Variants in KCND2 observed in about 807,000 individuals in gnomAD.
The protein encoded by KCND2 is potassium voltage-gated channel subfamily D member 2, also known as A-type voltage-gated potassium channel KCND2.
In KCND2, 16 loss-of-function variants were observed where a neutral mutation model predicts 54.4. That is an observed-to-expected ratio of 0.29 (90% CI 0.20 to 0.45). KCND2 has a LOEUF of 0.45. Ranked by LOEUF, KCND2 falls within the 20% of genes least tolerant of loss-of-function variation. The probability of loss-of-function intolerance (pLI) is 1.00; values close to 1 mark genes in which losing one functional copy is unlikely to be tolerated. For missense variants in KCND2, 486 were observed against 824.2 expected (o/e 0.59, Z 5.02); for synonymous variants, 317 against 310.7 (o/e 1.02, Z -0.21).
intron 1 of KCND2, among the ~76,000 whole-genome samples, chr7:120,496,649 C>A (rs559985340): frequency 1.8e-4 from 27 of 152,142 alleles, no homozygotes; most frequent in Admixed American, 1.7e-3. Context: ...TGGTCTCTAT[C>A]TCCTGACCTC....
intron 1 of KCND2, among the ~76,000 whole-genome samples, chr7:120,563,919 A>G (rs555310021): frequency 5.3e-5 from 8 of 152,304 alleles, no homozygotes; most frequent in Admixed American, 2.6e-4. Context: ...TCCCATCAGA[A>G]AATTTATAAA....
chr7:120,356,584 C>A (rs75248431), intron 1 of KCND2, among the ~76,000 whole-genome samples: 1 of 151,986 alleles, frequency 6.6e-6, no homozygotes, highest in Non-Finnish European at 1.5e-5. Flanking sequence ...CAGTCTGGCC[C>A]ACTGTTGGGG....
chr7:120,590,469 A>G (rs908554319), intron 1 of KCND2, among the ~76,000 whole-genome samples: 2 of 152,222 alleles, frequency 1.3e-5, no homozygotes, highest in Non-Finnish European at 2.9e-5. Context: ...TTAATAAGAA[A>G]TTGAAACTAT....
intron 1 of KCND2, among the ~76,000 whole-genome samples, chr7:120,609,583 A>G (rs868781929): frequency 6.6e-6 from 1 of 152,114 alleles, no homozygotes; most frequent in Non-Finnish European, 1.5e-5. Context: ...TTGAAATTTG[A>G]CACTGCTGAT....
chr7:120,444,004 C>G (rs1466073191), intron 1 of KCND2, among the ~76,000 whole-genome samples: 1 of 152,062 alleles, frequency 6.6e-6, no homozygotes, highest in Non-Finnish European at 1.5e-5. Flanking sequence ...ATTCCTTGCT[C>G]CTGCTGTTTC....
intron 1 of KCND2, among the ~76,000 whole-genome samples, chr7:120,460,880 G>A (rs1802274593): frequency 2.6e-5 from 4 of 152,154 alleles, no homozygotes; most frequent in Admixed American, 2.6e-4. Context: ...AAGAAATGTA[G>A]TTCTCTTTCT....
intron 1 of KCND2, among the ~76,000 whole-genome samples, chr7:120,283,456 A>C (rs557198169): frequency 7.9e-5 from 12 of 152,296 alleles, no homozygotes; most frequent in African/African-American, 2.9e-4. Context: ...ACCATGAATA[A>C]ATTTTCATCC....
chr7:120,346,456 G>A (rs1800317389), intron 1 of KCND2, among the ~76,000 whole-genome samples: 1 of 152,062 alleles, frequency 6.6e-6, no homozygotes, highest in South Asian at 2.1e-4. Flanking sequence ...TAAAATATTA[G>A]CTATTAATGC....
At chr7:120,366,258 A>G (rs1800676732) in intron 1 of KCND2, among the ~76,000 whole-genome samples, 1 of 152,020 alleles carries the variant, frequency 6.6e-6, no homozygotes, top group Non-Finnish European at 1.5e-5. Flanking sequence ...TCCAAGGCAG[A>G]CATATCACTT....
chr7:120,626,666 G>T (rs568665036), intron 1 of KCND2, among the ~76,000 whole-genome samples: 120 of 152,292 alleles, frequency 7.9e-4, no homozygotes, highest in Non-Finnish European at 1.4e-3. Flanking sequence ...ACAGTAGTCT[G>T]CATTGCACAT....
At chr7:120,480,169 T>C (rs1394668966) in intron 1 of KCND2, among the ~76,000 whole-genome samples, 1 of 152,070 alleles carries the variant, frequency 6.6e-6, no homozygotes, top group Non-Finnish European at 1.5e-5. Flanking sequence ...TAGGGAATAT[T>C]TTAAAATGTA....
At chr7:120,297,403 G>T (rs753687457) in intron 1 of KCND2, among the ~76,000 whole-genome samples, 14 of 151,952 alleles carry the variant, frequency 9.2e-5, no homozygotes, top group Non-Finnish European at 1.8e-4. Flanking sequence ...TCTTTTTATG[G>T]CTGAATAGTA....
intron 1 of KCND2, among the ~76,000 whole-genome samples, chr7:120,357,492 C>A (rs777937958): frequency 6.6e-6 from 1 of 152,128 alleles, no homozygotes; most frequent in Non-Finnish European, 1.5e-5. Context: ...TGTATACCTA[C>A]ATGCAATAAT....
chr7:120,390,225 C>G (rs957631060), intron 1 of KCND2, among the ~76,000 whole-genome samples: 1 of 151,700 alleles, frequency 6.6e-6, no homozygotes, highest in African/African-American at 2.4e-5. Context: ...TTTTTACTAC[C>G]TGGTTCCATA....
chr7:120,398,155 A>G (rs1400812010), intron 1 of KCND2, among the ~76,000 whole-genome samples: 1 of 129,506 alleles, frequency 7.7e-6, no homozygotes. Context: ...ATATGTATAT[A>G]CATATATACA....
At chr7:120,400,136 A>C (rs1801227049) in intron 1 of KCND2, among the ~76,000 whole-genome samples, 1 of 152,112 alleles carries the variant, frequency 6.6e-6, no homozygotes. Context: ...CAGCAGCAAA[A>C]ATAGGGGTCA....
At chr7:120,338,548 A>G (rs1800184973) in intron 1 of KCND2, among the ~76,000 whole-genome samples, 1 of 151,720 alleles carries the variant, frequency 6.6e-6, no homozygotes, top group Non-Finnish European at 1.5e-5. Flanking sequence ...GTTCTTTTTT[A>G]TTATTTTTTG....
intron 1 of KCND2, among the ~76,000 whole-genome samples, chr7:120,698,238 C>A (rs1301273742): frequency 2.0e-5 from 3 of 152,066 alleles, no homozygotes. Flanking sequence ...TGGTCTCGAA[C>A]TCAACCTTTT....
At chr7:120,367,046 G>A (rs879902915) in intron 1 of KCND2, among the ~76,000 whole-genome samples, 1 of 152,112 alleles carries the variant, frequency 6.6e-6, no homozygotes, top group Non-Finnish European at 1.5e-5. Flanking sequence ...CTAAGGGGGT[G>A]TAGGTTTGCC....
Sources: allele counts gnomAD v4.1 joint callset (sites outside exome capture counted in the v4.1 genomes callset), GRCh38; gene constraint gnomAD v4.1.1; transcripts MANE v1.5; gene names NCBI Gene and HGNC (gene_info 2026-07-23, HGNC 2026-07-21).